GALNTL6: variants seen among roughly 807,000 people sequenced by gnomAD.
The protein encoded by GALNTL6 is polypeptide N-acetylgalactosaminyltransferase-like 6.
In GALNTL6, 46 loss-of-function variants were observed where a neutral mutation model predicts 73.7. The observed-to-expected ratio is 0.62, with a 90% CI of 0.49 to 0.80. GALNTL6 has a LOEUF of 0.80. GALNTL6 is among the 30% of genes least tolerant of loss of function. GALNTL6 has a pLI of 0.00. For synonymous variants in GALNTL6, 259 were observed against 263.7 expected, an observed-to-expected ratio of 0.98 and a Z score of 0.17; for missense variants, 604 against 755.0, an observed-to-expected ratio of 0.80 and a Z score of 2.34.
At chr4:172,151,346 G>A (rs572709146) in intron 2 of GALNTL6, among the ~76,000 whole-genome samples, 3 of 152,144 alleles carry the variant, frequency 2.0e-5, no homozygotes, top group South Asian at 4.1e-4. Context: ...ATTTTTTTCC[G>A]TGATGGCAGG....
intron 5 of GALNTL6, among the ~76,000 whole-genome samples, chr4:172,662,996 G>A (rs1731459897): frequency 6.6e-6 from 1 of 152,202 alleles, no homozygotes; most frequent in South Asian, 2.1e-4. Flanking sequence ...CTGCTGGGCA[G>A]GGGAGAAGAA....
chr4:172,080,462 C>A (rs918260356), intron 2 of GALNTL6, among the ~76,000 whole-genome samples: 7 of 152,078 alleles, frequency 4.6e-5, no homozygotes, highest in Non-Finnish European at 1.0e-4. Flanking sequence ...CTGTGCCTGA[C>A]CTGAAATGTC....
At chr4:172,085,702 T>C (rs1441032916) in intron 2 of GALNTL6, among the ~76,000 whole-genome samples, 2 of 150,950 alleles carry the variant, frequency 1.3e-5, no homozygotes, top group African/African-American at 4.9e-5. Context: ...TATAAATGTA[T>C]TTAAAAATCT....
intron 5 of GALNTL6, among the ~76,000 whole-genome samples, chr4:172,476,030 C>A (rs1418182341): frequency 1.3e-5 from 2 of 152,226 alleles, no homozygotes; most frequent in East Asian, 3.8e-4. Flanking sequence ...GGCAGCAGCT[C>A]CTCAAGCACC....
intron 2 of GALNTL6, among the ~76,000 whole-genome samples, chr4:172,206,746 C>T (rs1736122145): frequency 6.7e-6 from 1 of 148,796 alleles, no homozygotes; most frequent in African/African-American, 2.5e-5. Flanking sequence ...AATTTTAGAA[C>T]AGAATGCATA....
chr4:171,931,097 T>C (rs1033711395), intron 2 of GALNTL6, among the ~76,000 whole-genome samples: 6 of 152,228 alleles, frequency 3.9e-5, no homozygotes, highest in African/African-American at 1.4e-4. Flanking sequence ...TCCTAGTAGA[T>C]TCATAAAGAA....
At chr4:171,848,792 A>G (rs1735444181) in intron 2 of GALNTL6, among the ~76,000 whole-genome samples, 1 of 152,238 alleles carries the variant, frequency 6.6e-6, no homozygotes, top group South Asian at 2.1e-4. Context: ...CTTTCACTTA[A>G]GGAAATGTGA....
intron 3 of GALNTL6, among the ~76,000 whole-genome samples, chr4:172,246,855 C>G (rs1286683179): frequency 6.7e-6 from 1 of 150,150 alleles, no homozygotes; most frequent in African/African-American, 2.4e-5. Flanking sequence ...CATTTACATA[C>G]ACACACAGTC....
intron 7 of GALNTL6, among the ~76,000 whole-genome samples, chr4:172,841,001 C>A (rs1439410445): frequency 1.3e-5 from 2 of 152,220 alleles, no homozygotes; most frequent in African/African-American, 4.8e-5. Context: ...AATCTCAATT[C>A]TCTGCCTGCT....
chr4:172,298,336 A>G (rs1049502300), intron 3 of GALNTL6, among the ~76,000 whole-genome samples: 5 of 152,090 alleles, frequency 3.3e-5, no homozygotes, highest in African/African-American at 1.2e-4. Context: ...CTAATTGAAT[A>G]CCCTTCATTT....
chr4:172,744,134 C>T (rs1041872516), intron 5 of GALNTL6, among the ~76,000 whole-genome samples: 1 of 8,380 alleles, frequency 1.2e-4, no homozygotes, highest in Non-Finnish European at 3.5e-3. Context: ...CTCAATTATG[C>T]ATTCAGAAGT....
chr4:172,910,094 T>C (rs997413895), intron 8 of GALNTL6, among the ~76,000 whole-genome samples: 1 of 151,942 alleles, frequency 6.6e-6, no homozygotes, highest in Non-Finnish European at 1.5e-5. Flanking sequence ...GAATAATTTA[T>C]ATATAAAACA....
chr4:172,053,243 C>G (rs1438516287), intron 2 of GALNTL6, among the ~76,000 whole-genome samples: 1 of 151,944 alleles, frequency 6.6e-6, no homozygotes, highest in African/African-American at 2.4e-5. Context: ...ATGTGAAAAG[C>G]TTTTTGAGGA....
At chr4:172,637,897 C>T (rs376279504) in intron 5 of GALNTL6, among the ~76,000 whole-genome samples, 16 of 152,092 alleles carry the variant, frequency 1.1e-4, no homozygotes, top group East Asian at 5.8e-4. Flanking sequence ...TTGGACCCTA[C>T]GCATACTTGA....
At chr4:172,858,972 AAAC>A (rs1744253999) in intron 7 of GALNTL6, among the ~76,000 whole-genome samples, 1 of 152,136 alleles carries the variant, frequency 6.6e-6, no homozygotes, top group Non-Finnish European at 1.5e-5. Flanking sequence ...GAAAAAAAAT[AAAC>A]AACAAAGTTT....
chr4:171,821,488 T>C (rs934069213), intron 2 of GALNTL6, among the ~76,000 whole-genome samples: 4 of 152,136 alleles, frequency 2.6e-5, no homozygotes, highest in African/African-American at 9.7e-5. Flanking sequence ...TTAAAAATTC[T>C]GGCTTAGTAT....
intron 5 of GALNTL6, among the ~76,000 whole-genome samples, chr4:172,660,647 G>A (rs1332891646): frequency 2.0e-5 from 3 of 152,172 alleles, no homozygotes; most frequent in African/African-American, 7.2e-5. Flanking sequence ...TCAAAGTCAT[G>A]TGAAGGAAAC....
rs192579830 is a variant in GALNTL6 at position 172,867,812 on chromosome 4, T to C, written c.924-14978T>C. Among the ~76,000 whole-genome samples the C allele has an allele frequency of 1.1e-3, 168 of 152,326 alleles. 2 individuals are homozygous for C. The highest frequency in any genetic ancestry group is 4.0e-3 in the African/African-American group (165 of 41,572). On this transcript the variant is annotated intron_variant, in intron 7 of 12. Coordinates refer to ENST00000506823, the MANE Select transcript of GALNTL6 (RefSeq NM_001034845.3). ...CAGCTATAGGGAACAGGGAACATTA[T>C]GACCACACAGGGAGGAAAGCATACC...
At chr4:172,843,707 A>C (rs1393636470) in intron 7 of GALNTL6, among the ~76,000 whole-genome samples, 1 of 152,186 alleles carries the variant, frequency 6.6e-6, no homozygotes, top group African/African-American at 2.4e-5. Flanking sequence ...TGCATCACAA[A>C]AGAAATGACA....
Sources: gnomAD v4.1 joint callset for allele counts (sites outside exome capture counted in the v4.1 genomes callset) on GRCh38, gnomAD v4.1.1 for gene constraint, MANE v1.5 for transcripts, NCBI Gene and HGNC (gene_info 2026-07-23, HGNC 2026-07-21) for gene names.